The following TTC28 variants were observed in gnomAD, a reference collection of about 807,000 sequenced individuals.
TTC28 encodes tetratricopeptide repeat domain 28, also known as tetratricopeptide repeat protein 28.
In TTC28, 61 loss-of-function variants were observed where a neutral mutation model predicts 198.0. The ratio of observed to expected loss-of-function variants is 0.31; its 90% CI spans 0.25 to 0.38. TTC28 has a LOEUF of 0.38. TTC28 is among the 10% of genes least tolerant of loss of function. The pLI is 1.00. For synonymous variants in TTC28, 1,171 were observed against 1,297.8 expected (o/e 0.90, Z 2.10); for missense variants, 2,678 against 3,164.0 (o/e 0.85, Z 3.69).
chr22:28,275,718 G>A (rs1429296373), intron 5 of TTC28, among the ~76,000 whole-genome samples: 2 of 151,624 alleles, frequency 1.3e-5, no homozygotes, highest in African/African-American at 4.9e-5. Context: ...ACAGTGGGAG[G>A]GAGGAAAGGG....
intron 2 of TTC28, among the ~76,000 whole-genome samples, chr22:28,312,730 A>G (rs971061647): frequency 2.0e-4 from 31 of 152,226 alleles, no homozygotes; most frequent in South Asian, 1.4e-3. Flanking sequence ...AGGGAAATTT[A>G]TAGCACTAAA....
At position 27,983,330 on chromosome 22, in the gene TTC28, T is replaced by C; in HGVS notation, c.6337A>G (p.Thr2113Ala). The change falls in exon 23 of 23, where the codon ACT (threonine) becomes GCT (alanine). Residue 2113 changes from threonine (T) to alanine (A), a missense_variant. Thr to Ala is a moderately conservative substitution (Grantham distance 58). Coordinates refer to ENST00000397906, the MANE Select transcript of TTC28 (RefSeq NM_001145418.2). ...ISTPNSPVKM[T>A]LIPSPNSPFQ... is the part of the protein sequence containing the mutation. ...GGTGAGTTGGGGCTGGGAATCAGAG[T>C]CATTTTCACTGGAGAATTTGGAGTG... The C allele has an allele frequency of 1.3e-6, 2 of 1,551,906 alleles. No individual in the cohort carries two copies. The highest frequency in any genetic ancestry group is 1.7e-4 in the Middle Eastern group (1 of 5,996).
intron 5 of TTC28, among the ~76,000 whole-genome samples, chr22:28,258,902 A>AGAGT (rs1555952510): frequency 6.8e-6 from 1 of 147,724 alleles, no homozygotes; most frequent in Non-Finnish European, 1.5e-5. Context: ...TTGGTTAAAG[A>AGAGT]GTGTGTGTGT....
intron 5 of TTC28, among the ~76,000 whole-genome samples, chr22:28,254,508 T>C (rs1930749328): frequency 6.7e-6 from 1 of 148,444 alleles, no homozygotes; most frequent in African/African-American, 2.5e-5. Flanking sequence ...AAAAAAAGTC[T>C]GGTTAGATAA....
chr22:28,310,314 A>G (rs976528883), intron 2 of TTC28, among the ~76,000 whole-genome samples: 1 of 152,232 alleles, frequency 6.6e-6, no homozygotes, highest in Non-Finnish European at 1.5e-5. Context: ...GGTAACAAAA[A>G]TGTAATTAAT....
At chr22:28,676,308 A>C (rs2051989385) in intron 1 of TTC28, among the ~76,000 whole-genome samples, 1 of 152,226 alleles carries the variant, frequency 6.6e-6, no homozygotes, top group Non-Finnish European at 1.5e-5. Context: ...CAGAAGAGCT[A>C]AACTCAGAGA....
intron 12 of TTC28, among the ~76,000 whole-genome samples, chr22:28,065,002 T>C (rs1030288820): frequency 6.6e-6 from 1 of 152,236 alleles, no homozygotes; most frequent in Non-Finnish European, 1.5e-5. Context: ...ATCAGTGTAC[T>C]GATGCATCAT....
At chr22:28,615,756 G>T (rs2050894887) in intron 2 of TTC28, among the ~76,000 whole-genome samples, 1 of 142,312 alleles carries the variant, frequency 7.0e-6, no homozygotes, top group Non-Finnish European at 1.5e-5. Context: ...GGAACACATG[G>T]TCACAGGGAG....
At chr22:28,306,743 A>G (rs1243674034) in intron 2 of TTC28, 100 bp from the exon 3 acceptor site, 1 of 1,274,612 alleles carries the variant, frequency 7.8e-7, no homozygotes, top group East Asian at 2.6e-5. Context: ...TAAGATTGAG[A>G]TGTACTTGAT....
intron 6 of TTC28, among the ~76,000 whole-genome samples, chr22:28,139,371 AAATGACATTGGTAAGGAGGAT>A (rs1362353388): frequency 8.5e-5 from 13 of 152,224 alleles, no homozygotes; most frequent in Non-Finnish European, 1.0e-4. Flanking sequence ...TCATGAATTA[AAATGACATTGGTAAGGAGGAT>A]AAATCCACAG....
At chr22:28,421,819 C>T (rs2047258454) in intron 2 of TTC28, among the ~76,000 whole-genome samples, 1 of 151,532 alleles carries the variant, frequency 6.6e-6, no homozygotes, top group Non-Finnish European at 1.5e-5. Context: ...CCTGCAGTCC[C>T]AGATACTTGG....
chr22:28,558,930 G>A (rs1035543771), intron 2 of TTC28, among the ~76,000 whole-genome samples: 11 of 151,370 alleles, frequency 7.3e-5, no homozygotes, highest in Admixed American at 2.0e-4. Flanking sequence ...AGCTACTCAG[G>A]AGGCTAAGGC....
intron 2 of TTC28, among the ~76,000 whole-genome samples, chr22:28,327,287 T>G (rs1239154227): frequency 6.6e-6 from 1 of 152,178 alleles, no homozygotes; most frequent in African/African-American, 2.4e-5. Flanking sequence ...CCAATTCTCA[T>G]ATTGTAAGGT....
At chr22:28,028,771 C>T in intron 13 of TTC28, 1 of 315,002 alleles carries the variant, frequency 3.2e-6, no homozygotes, top group Non-Finnish European at 6.3e-6. Flanking sequence ...AACAGAAACC[C>T]ACCAGTTGTT....
intron 2 of TTC28, among the ~76,000 whole-genome samples, chr22:28,337,005 CT>C (rs2145893168): frequency 6.6e-6 from 1 of 152,274 alleles, no homozygotes; most frequent in South Asian, 2.1e-4. Flanking sequence ...CTACACACTG[CT>C]TTGAATGTGT....
chr22:28,530,842 T>C (rs1332510129), intron 2 of TTC28, among the ~76,000 whole-genome samples: 1 of 152,108 alleles, frequency 6.6e-6, no homozygotes, highest in African/African-American at 2.4e-5. Flanking sequence ...TAAAATCCTT[T>C]ACAGACAAGC....
At chr22:28,084,268 G>A (rs1052556654) in intron 12 of TTC28, among the ~76,000 whole-genome samples, 22 of 152,182 alleles carry the variant, frequency 1.4e-4, no homozygotes, top group African/African-American at 2.7e-4. Flanking sequence ...CCCCAGTAGC[G>A]GCGGACTGAT....
intron 13 of TTC28, among the ~76,000 whole-genome samples, chr22:28,027,704 C>T (rs942975267): frequency 1.3e-5 from 2 of 152,234 alleles, no homozygotes; most frequent in Non-Finnish European, 2.9e-5. Flanking sequence ...GCAGAAAAGC[C>T]ACTTCTAGCC....
chr22:28,116,574 G>A (rs1942636058), intron 6 of TTC28, among the ~76,000 whole-genome samples: 1 of 152,186 alleles, frequency 6.6e-6, no homozygotes, highest in Non-Finnish European at 1.5e-5. Flanking sequence ...GTCAGAGTGT[G>A]CCTGGTTTTC....
Sources: gnomAD v4.1 joint callset for allele counts (sites outside exome capture counted in the v4.1 genomes callset) on GRCh38, gnomAD v4.1.1 for gene constraint, MANE v1.5 for transcripts, NCBI Gene and HGNC (gene_info 2026-07-23, HGNC 2026-07-21) for gene names.